The following SALL4 variants were observed in gnomAD, a reference collection of about 807,000 sequenced individuals.
The protein encoded by SALL4 is sal-like protein 4.
SALL4 carries 4 observed loss-of-function variants against 60.8 expected under a neutral mutation model. The observed-to-expected ratio is 0.07, with a 90% CI of 0.03 to 0.15. The LOEUF (loss-of-function observed/expected upper bound fraction) is 0.15. Among genes scored for constraint, SALL4 ranks in the 10% least tolerant of loss-of-function variants. The pLI, the probability that SALL4 is intolerant of heterozygous loss-of-function variation, is 1.00. For synonymous variants in SALL4, 580 were observed against 574.9 expected (o/e 1.01, Z -0.13); for missense variants, 1,178 against 1,394.7 (o/e 0.84, Z 2.48).
In SALL4 at chr20:51,784,643, G is replaced by A. The variant is rs2122952379; in HGVS notation, c.2784C>T (p.Arg928=). ...TCTCGATGGCCAACTTCCTTCCACG[G>A]CGGGCTGAGTTATTGTTCGCCCCGT... ...MTHGANNNSA[R]RGRKLAIENT... The change falls in exon 4 of 4, where the codon CGC becomes CGT. Residue 928 remains arginine (R), a synonymous_variant. Coordinates refer to ENST00000217086, the MANE Select transcript of SALL4 (RefSeq NM_020436.5). 1 of 1,614,148 alleles carries A rather than the reference G, an allele frequency of 6.2e-7. No homozygotes were observed.
rs760547601 is a variant in SALL4 at position 51,790,147 on chromosome 20, A to G, written c.2336T>C (p.Ile779Thr). ...DQEYQSRSPD[I>T]LETTSFQALS... Reference sequence around the variant, plus strand: ...TGCCTGGAAGGATGTGGTTTCCAGGATATCTGGGCTTCGGCTCTGATACTC... The same window carrying G: ...TGCCTGGAAGGATGTGGTTTCCAGGGTATCTGGGCTTCGGCTCTGATACTC... Residue 779 changes from isoleucine (I) to threonine (T), a missense_variant, in exon 2 of 4, where the codon ATC (isoleucine) becomes ACC (threonine). Ile to Thr is a moderately conservative substitution (Grantham distance 89). Transcript: ENST00000217086. This position sits in a 1 kb window ranked among gnomAD's most constrained non-coding sequence, Gnocchi z 5.5. 1 of 1,614,036 alleles carries G rather than the reference A, an allele frequency of 6.2e-7. No individual in the cohort carries two copies. The highest frequency in any genetic ancestry group is 1.1e-5 in the South Asian group (1 of 91,076).
chr20:51,802,003 A>C (rs969589028), intron 1 of SALL4, among the ~76,000 whole-genome samples: 3 of 151,704 alleles, frequency 2.0e-5, no homozygotes. Context: ...TTCGGGAGCG[A>C]GAACAGAGGA....
At position 51,790,109 on chromosome 20, in the gene SALL4, T is replaced by C; in HGVS notation, c.2374A>G (p.Asn792Asp). ...GACTTGATGCTTTCGGCTTGACTATTGGCCGGGGAGAGTGCCTGGAAGGAT... is the reference window on the plus strand; with the variant it reads ...GACTTGATGCTTTCGGCTTGACTATCGGCCGGGGAGAGTGCCTGGAAGGAT... Reference protein sequence around the residue: ...TTSFQALSPANSQAESIKSKS... With the variant: ...TTSFQALSPADSQAESIKSKS... Residue 792 changes from asparagine to aspartate, a missense_variant, in exon 2 of 4, where the codon AAT (asparagine) becomes GAT (aspartate). By Grantham distance (23) the Asn-to-Asp change is conservative (BLOSUM62 1). Coordinates refer to ENST00000217086, the MANE Select transcript of SALL4 (RefSeq NM_020436.5). This position sits in a 1 kb window ranked among gnomAD's most constrained non-coding sequence, Gnocchi z 5.5. 1 of 1,614,232 alleles carries C rather than the reference T, an allele frequency of 6.2e-7. No homozygotes were observed. Among genetic ancestry groups the C allele is most frequent in the Non-Finnish European group, 8.5e-7 (1 of 1,180,042 alleles).
intron 3 of SALL4, among the ~76,000 whole-genome samples, chr20:51,787,369 A>G (rs947861990): frequency 3.3e-5 from 5 of 152,180 alleles, no homozygotes; most frequent in Non-Finnish European, 5.9e-5. Context: ...GGTTGCAATG[A>G]GCCGAGATTG....
At chr20:51,797,226 T>C (rs1192177169) in intron 1 of SALL4, among the ~76,000 whole-genome samples, 1 of 151,766 alleles carries the variant, frequency 6.6e-6, no homozygotes, top group African/African-American at 2.4e-5. Flanking sequence ...TCTTGTTATT[T>C]ATTGTATTAA....
intron 1 of SALL4, among the ~76,000 whole-genome samples, chr20:51,793,809 G>A (rs1405512366): frequency 6.6e-6 from 1 of 152,204 alleles, no homozygotes; most frequent in South Asian, 2.1e-4. Flanking sequence ...TTAACAAACT[G>A]ATTTAATCTT....
At chr20:51,797,921 G>T (rs1406969722) in intron 1 of SALL4, among the ~76,000 whole-genome samples, 1 of 152,114 alleles carries the variant, frequency 6.6e-6, no homozygotes, top group African/African-American at 2.4e-5. Context: ...TGTATATCTT[G>T]ATAAAAGCAT....
Position 51,801,338 on chromosome 20 carries a change from G to C in SALL4, c.130+941C>G, listed in dbSNP as rs915408682. 1.9e-4 allele frequency among the ~76,000 whole-genome samples: 29 copies of C among 152,278 alleles called. No individual in the cohort carries two copies. Among genetic ancestry groups the C allele is most frequent in the Admixed American group, 4.6e-4 (7 of 15,306 alleles). On this transcript the variant is annotated intron_variant, in intron 1 of 3. Transcript: ENST00000217086. The surrounding 1 kb of genome is among the most constrained non-coding windows in gnomAD (Gnocchi z 5.2). ...CGGAAGCGTGGGCCAGGTCAGCCGCGGGAGTTCGCTCTGGCCCCCCACCTC... is the reference window on the plus strand; with the variant it reads ...CGGAAGCGTGGGCCAGGTCAGCCGCCGGAGTTCGCTCTGGCCCCCCACCTC...
chr20:51,791,064 G>A lies in SALL4; in HGVS notation c.1419C>T (p.Asp473=). 1 of 1,614,190 alleles carries A rather than the reference G, an allele frequency of 6.2e-7. No homozygotes were observed. Among genetic ancestry groups the A allele is most frequent in the African/African-American group, 1.3e-5 (1 of 75,038 alleles). The change falls in exon 2 of 4, where the codon GAC becomes GAT. Residue 473 remains aspartate, a synonymous_variant. Coordinates refer to ENST00000217086, the MANE Select transcript of SALL4 (RefSeq NM_020436.5). The surrounding 1 kb of genome is among the most constrained non-coding windows in gnomAD (Gnocchi z 4.6). Reference sequence around the variant, plus strand: ...AGGTGGTTACAAGGACAGGTTTGCTGTCTAAAGAAAGACTCGGTTCATCTA... The same window carrying A: ...AGGTGGTTACAAGGACAGGTTTGCTATCTAAAGAAAGACTCGGTTCATCTA... The part of the protein sequence containing the change: ...DPIDEPSLSL[D]SKPVLVTTSV...
chr20:51,794,085 A>T (rs2122970124), intron 1 of SALL4, among the ~76,000 whole-genome samples: 1 of 152,342 alleles, frequency 6.6e-6, no homozygotes, highest in East Asian at 1.9e-4. Context: ...GGATTTACTG[A>T]TTCAACCAGG....
intron 1 of SALL4, among the ~76,000 whole-genome samples, chr20:51,793,672 G>A (rs1035949315): frequency 4.6e-5 from 7 of 152,118 alleles, no homozygotes; most frequent in African/African-American, 1.2e-4. Context: ...CAAGTGATCC[G>A]TCTGCCTCAG....
Position 51,788,338 on chromosome 20 carries a change from TGTG to T in SALL4, c.2742+520_2742+522del, listed in dbSNP as rs1426690740. On this transcript the variant is annotated intron_variant, in intron 3 of 3. Coordinates refer to ENST00000217086, the MANE Select transcript of SALL4 (RefSeq NM_020436.5). The surrounding 1 kb of genome is among the most constrained non-coding windows in gnomAD (Gnocchi z 4.1). ...CCCAACTAATTTGTGTGTGTGTGTG[TGTG>T]TGTGTGTGTGTGTGTGTAAAGACGT... Among the ~76,000 whole-genome samples, 2 of 150,706 alleles carry T rather than the reference TGTG, an allele frequency of 1.3e-5. No individual in the cohort carries two copies. The highest frequency in any genetic ancestry group is 3.4e-3 in the Middle Eastern group (1 of 292).
chr20:51,792,768 A>G (rs1229886871), intron 1 of SALL4: 2 of 1,102,384 alleles, frequency 1.8e-6, no homozygotes, highest in Non-Finnish European at 2.2e-6. Flanking sequence ...CTTTAGGGTT[A>G]GTGCCAGCCT....
At chr20:51,785,489 AT>A (rs1371903747) in intron 3 of SALL4, among the ~76,000 whole-genome samples, 1 of 152,088 alleles carries the variant, frequency 6.6e-6, no homozygotes, top group African/African-American at 2.4e-5. Context: ...AGAAAATCAG[AT>A]TTCTTATATC....
intron 1 of SALL4, among the ~76,000 whole-genome samples, chr20:51,793,472 TAC>T (rs1007374229): frequency 7.0e-4 from 107 of 151,996 alleles, no homozygotes; most frequent in African/African-American, 2.5e-3. Flanking sequence ...AAAAAAAAAG[TAC>T]AAATGCACAA....
At chr20:51,795,716 T>C (rs1209240153) in intron 1 of SALL4, among the ~76,000 whole-genome samples, 1 of 152,174 alleles carries the variant, frequency 6.6e-6, no homozygotes, top group Admixed American at 6.5e-5. Context: ...TCTGGCAACA[T>C]CTTCATTTTA....
rs2077973132 is a variant in SALL4 at position 51,784,190 on chromosome 20, A to G, written c.*75T>C. The G allele has an allele frequency of 1.9e-6, 3 of 1,540,420 alleles. No homozygotes were observed. Among genetic ancestry groups the G allele is most frequent in the Admixed American group, 1.7e-5 (1 of 59,848 alleles). On this transcript the variant is annotated 3_prime_UTR_variant, in exon 4 of 4. Coordinates refer to ENST00000217086, the MANE Select transcript of SALL4 (RefSeq NM_020436.5). Reference sequence around the variant, plus strand: ...AGTAAGAAAAAGAAAACAGGAGGAGATGAGTTCTTACAAAACAAAGCAGAT... The same window carrying G: ...AGTAAGAAAAAGAAAACAGGAGGAGGTGAGTTCTTACAAAACAAAGCAGAT...
At position 51,790,173 on chromosome 20, in the gene SALL4, C is replaced by G; in HGVS notation, c.2310G>C (p.Gln770His). The G allele has an allele frequency of 1.9e-6, 3 of 1,614,172 alleles. No homozygotes were observed. Among genetic ancestry groups the G allele is most frequent in the Non-Finnish European group, 2.5e-6 (3 of 1,180,048 alleles). The change falls in exon 2 of 4, where the codon CAG becomes CAC. Residue 770 changes from glutamine (Q) to histidine (H), a missense_variant. Gln to His is a conservative substitution (Grantham distance 24). Transcript: ENST00000217086. This position sits in a 1 kb window ranked among gnomAD's most constrained non-coding sequence, Gnocchi z 5.5. ...TATCTGGGCTTCGGCTCTGATACTC[C>G]TGGTCTCCCATCAGCGAGGATGAGT... ...TNDSSSLMGDQEYQSRSPDIL... is the reference protein window; with the variant it reads ...TNDSSSLMGDHEYQSRSPDIL...
chr20:51,800,662 G>A (rs1052755007), intron 1 of SALL4, among the ~76,000 whole-genome samples: 9 of 152,160 alleles, frequency 5.9e-5, no homozygotes, highest in Non-Finnish European at 1.0e-4. Flanking sequence ...AAGCAGGCGG[G>A]CTGAGGGTTA....
Sources: allele counts gnomAD v4.1 joint callset (sites outside exome capture counted in the v4.1 genomes callset), GRCh38; gene constraint gnomAD v4.1.1; non-coding constraint Gnocchi (gnomAD v3.1); transcripts MANE v1.5; gene names NCBI Gene and HGNC (gene_info 2026-07-23, HGNC 2026-07-21).